NRXN3: variants seen among roughly 807,000 people sequenced by gnomAD.
The protein encoded by NRXN3 is neurexin III.
In NRXN3, 32 loss-of-function variants were observed where a neutral mutation model predicts 137.6. The observed-to-expected ratio is 0.23, with a 90% CI of 0.18 to 0.31. The LOEUF is 0.31. Ranked by LOEUF, NRXN3 falls within the 10% of genes least tolerant of loss-of-function variation. The pLI, the probability that NRXN3 is intolerant of heterozygous loss-of-function variation, is 1.00. For missense variants in NRXN3, 1,574 were observed against 2,062.5 expected, an observed-to-expected ratio of 0.76 and a Z score of 4.59; for synonymous variants, 798 against 784.5, an observed-to-expected ratio of 1.02 and a Z score of -0.29.
intron 15 of NRXN3, among the ~76,000 whole-genome samples, chr14:79,459,288 C>T: frequency 6.6e-6 from 1 of 152,050 alleles, no homozygotes; most frequent in East Asian, 1.9e-4. Context: ...CAGAATGTGA[C>T]TGCATTTGAA....
At chr14:78,231,578 GTCCTTTTTGCCATGACTGTTGTTCCTTC>G (rs777214770) in intron 1 of NRXN3, 6 of 152,168 alleles carry the variant, frequency 3.9e-5, no homozygotes, top group Non-Finnish European at 7.3e-5. Context: ...TATGGCTGTG[GTCCTTTTTGCCATGACTGTTGTTCCTTC>G]TCCTCATTGT....
intron 4 of NRXN3, among the ~76,000 whole-genome samples, chr14:78,501,899 C>T (rs930778484): frequency 2.6e-5 from 4 of 152,130 alleles, no homozygotes; most frequent in Admixed American, 6.5e-5. Context: ...ATTAGAGGGC[C>T]TTATGCAAAT....
chr14:79,771,575 G>C (rs534645401), intron 19 of NRXN3, among the ~76,000 whole-genome samples: 2,451 of 149,092 alleles, frequency 0.016, 21 homozygotes, highest in African/African-American at 0.057. Flanking sequence ...AAATTCAACA[G>C]CCCTTCATGC....
intron 1 of NRXN3, among the ~76,000 whole-genome samples, chr14:78,235,120 C>T (rs1320610534): frequency 6.6e-6 from 1 of 150,530 alleles, no homozygotes; most frequent in Non-Finnish European, 1.5e-5. Context: ...TACCTTCCAT[C>T]CTTATGGGTT....
At chr14:79,521,057 T>C (rs1484028180) in intron 16 of NRXN3, among the ~76,000 whole-genome samples, 1 of 152,184 alleles carries the variant, frequency 6.6e-6, no homozygotes, top group Non-Finnish European at 1.5e-5. Flanking sequence ...GAGTTGTTTT[T>C]TAAAGCAAGT....
At chr14:78,264,583 A>G (rs1285656673) in intron 2 of NRXN3, among the ~76,000 whole-genome samples, 1 of 151,878 alleles carries the variant, frequency 6.6e-6, no homozygotes, top group East Asian at 1.9e-4. Flanking sequence ...TGTTGGGAGC[A>G]GACATCTGGG....
Position 78,569,812 on chromosome 14 carries a change from G to C in NRXN3, c.758-75308G>C, listed in dbSNP as rs140598705. On this transcript the variant is annotated intron_variant, in intron 4 of 20. Transcript: ENST00000335750. ...TGATCTCAAGTGATCTACCCGCCTC[G>C]GCCTCCCAAAGTGTCCAGAACTCCT... is the stretch of plus-strand genomic sequence containing the variant. Among the ~76,000 whole-genome samples the C allele has an allele frequency of 5.0e-3, 767 of 152,038 alleles. 8 individuals are homozygous for C. The highest frequency in any genetic ancestry group is 0.018 in the African/African-American group (727 of 41,470).
At chr14:78,179,459 G>A (rs2059582355) in intron 1 of NRXN3, among the ~76,000 whole-genome samples, 1 of 152,198 alleles carries the variant, frequency 6.6e-6, no homozygotes, top group Non-Finnish European at 1.5e-5. Flanking sequence ...CGATTTCTGG[G>A]TGGAGGAAAG....
intron 8 of NRXN3, among the ~76,000 whole-genome samples, chr14:78,716,170 C>A (rs929795108): frequency 6.6e-6 from 1 of 152,094 alleles, no homozygotes; most frequent in Non-Finnish European, 1.5e-5. Flanking sequence ...ACATTTGCAC[C>A]CGATTTACAG....
At position 79,532,948 on chromosome 14, in the gene NRXN3, AC is replaced by A. The variant is rs1203034015; in HGVS notation, c.3444+65548del. On this transcript the variant is annotated intron_variant, in intron 16 of 20. Transcript: ENST00000335750. ...ACCCTCAAAATCTTTCCAATTAGGA[AC>A]CTAAATTCTATTCCCAAAGGTTATG... is the stretch of plus-strand genomic sequence containing the variant. 2.6e-5 allele frequency among the ~76,000 whole-genome samples: 4 copies of A among 152,236 alleles called. No individual in the cohort carries two copies. The East Asian group carries it at 5.8e-4, about 22-fold the overall frequency.
At chr14:79,773,547 A>G (rs1188626827) in intron 19 of NRXN3, among the ~76,000 whole-genome samples, 2 of 148,200 alleles carry the variant, frequency 1.3e-5, no homozygotes, top group Non-Finnish European at 3.0e-5. Context: ...CAAACACCGC[A>G]TATTCTCACT....
chr14:79,815,569 C>T (rs558356161), intron 20 of NRXN3, among the ~76,000 whole-genome samples: 5 of 151,160 alleles, frequency 3.3e-5, no homozygotes, highest in Admixed American at 1.3e-4. Flanking sequence ...ACAAGAAAGG[C>T]GAAGAAAGAG....
chr14:78,342,500 A>T (rs1409821161), intron 4 of NRXN3, among the ~76,000 whole-genome samples: 1 of 152,184 alleles, frequency 6.6e-6, no homozygotes, highest in African/African-American at 2.4e-5. Flanking sequence ...GTGCTTACAT[A>T]TATGTCAGGT....
At chr14:78,843,575 AG>A (rs1315077484) in intron 10 of NRXN3, among the ~76,000 whole-genome samples, 2 of 152,156 alleles carry the variant, frequency 1.3e-5, no homozygotes, top group African/African-American at 2.4e-5. Context: ...GCATGCAAAA[AG>A]ATCAGTGGCA....
intron 4 of NRXN3, among the ~76,000 whole-genome samples, chr14:78,494,602 C>T (rs986552692): frequency 6.6e-6 from 1 of 151,970 alleles, no homozygotes; most frequent in Non-Finnish European, 1.5e-5. Flanking sequence ...ATATTTGCAG[C>T]CCCACAAACT....
At chr14:78,903,560 T>G (rs2099204732) in intron 10 of NRXN3, among the ~76,000 whole-genome samples, 3 of 152,226 alleles carry the variant, frequency 2.0e-5, no homozygotes, top group African/African-American at 7.2e-5. Flanking sequence ...AAACAAAAGT[T>G]AAATACATTT....
At position 79,862,492 on chromosome 14, in the gene NRXN3, A is replaced by C. The variant is rs76165744; in HGVS notation, c.*528A>C. On this transcript the variant is annotated 3_prime_UTR_variant, in exon 21 of 21. Coordinates refer to ENST00000335750, the MANE Select transcript of NRXN3 (RefSeq NM_001330195.2). Reference sequence around the variant, plus strand: ...ACACCAAAAAACAAAAACAAACAAAAAAAAAAACCCACAACCCTTATCTGG... The same window carrying C: ...ACACCAAAAAACAAAAACAAACAAACAAAAAAACCCACAACCCTTATCTGG... 0.023 allele frequency: 3,440 copies of C among 151,604 alleles called. 97 individuals carry two copies. Among genetic ancestry groups the C allele is most frequent in the Admixed American group, 0.072 (1,099 of 15,248 alleles). The allele number at this position is 151,604 out of a possible 1,614,324, so 9.4% of individuals were successfully genotyped here.
At chr14:79,590,416 T>TAAAAAAA (rs11419735) in intron 16 of NRXN3, among the ~76,000 whole-genome samples, 967 of 92,216 alleles carry the variant, frequency 0.01, 56 homozygotes, top group African/African-American at 0.036. Flanking sequence ...TTTCTTTTGT[T>TAAAAAAA]AAAAAAAAAA....
intron 16 of NRXN3, among the ~76,000 whole-genome samples, chr14:79,532,519 G>A (rs989516389): frequency 2.0e-5 from 3 of 152,154 alleles, no homozygotes; most frequent in Non-Finnish European, 4.4e-5. Context: ...CAGCCTAGGG[G>A]TGGTTTGCTG....
Sources: gnomAD v4.1 joint callset for allele counts (sites outside exome capture counted in the v4.1 genomes callset) on GRCh38, gnomAD v4.1.1 for gene constraint, MANE v1.5 for transcripts, NCBI Gene and HGNC (gene_info 2026-07-23, HGNC 2026-07-21) for gene names.